PIGV: variants seen among roughly 807,000 people sequenced by gnomAD.
PIGV encodes the protein GPI alpha-1,6-mannosyltransferase 2.
PIGV carries 27 observed loss-of-function variants against 39.2 expected under a neutral mutation model. That is an observed-to-expected ratio of 0.69 (90% CI 0.51 to 0.95). PIGV has a LOEUF of 0.95. Ranked by LOEUF, PIGV falls within the 40% of genes least tolerant of loss-of-function variation. PIGV has a pLI of 0.00. For synonymous variants in PIGV, 232 were observed against 241.7 expected, an observed-to-expected ratio of 0.96 and a Z score of 0.37; for missense variants, 523 against 586.4, an observed-to-expected ratio of 0.89 and a Z score of 1.12.
chr1:26,793,262 C>T (rs929651549), intron 2 of PIGV, among the ~76,000 whole-genome samples: 1 of 152,230 alleles, frequency 6.6e-6, no homozygotes, highest in Non-Finnish European at 1.5e-5. Context: ...CATTTTTCTG[C>T]TTCCCCTTAT....
At chr1:26,796,294 G>A (rs1458649951) in intron 3 of PIGV, among the ~76,000 whole-genome samples, 5 of 149,426 alleles carry the variant, frequency 3.3e-5, no homozygotes, top group East Asian at 2.0e-4. Context: ...TCAGCCTCCC[G>A]AGTAGCTGGG....
rs960917073 is a variant in PIGV, at chr1:26,793,590, C to G, written c.79-523C>G. 2.6e-5 allele frequency among the ~76,000 whole-genome samples: 4 copies of G among 152,058 alleles called. No individual in the cohort carries two copies. In the East Asian group the frequency reaches 7.7e-4, roughly 29 times the overall value. ...TTCAGATGTTAACATGTCCAGGGTT[C>G]AGTCCTCAAGAAGAGTTCTAAGTGT... is the stretch of plus-strand genomic sequence containing the variant. On this transcript the variant is annotated intron_variant, in intron 2 of 3. Transcript: ENST00000674202.
Position 26,794,215 on chromosome 1 carries a change from G to A in PIGV, c.181G>A (p.Gly61Ser). The change falls in exon 3 of 4, where the codon GGC becomes AGC. Residue 61 changes from glycine (G) to serine (S), a missense_variant. By Grantham distance (56) the Gly-to-Ser change is moderately conservative (BLOSUM62 0). Transcript: ENST00000674202. ...FVDQLVEGLLGGLSHWDAEHF... is the reference protein window; with the variant it reads ...FVDQLVEGLLSGLSHWDAEHF... ...GGACCAACTCGTGGAAGGTCTTCTGGGCGGCCTGTCTCACTGGGATGCTGA... is the reference window on the plus strand; with the variant it reads ...GGACCAACTCGTGGAAGGTCTTCTGAGCGGCCTGTCTCACTGGGATGCTGA... The A allele has an allele frequency of 1.2e-6, 2 of 1,614,208 alleles. No homozygotes were observed. The highest frequency in any genetic ancestry group is 1.7e-6 in the Non-Finnish European group (2 of 1,180,036).
intron 3 of PIGV, 72 bp from the exon 4 acceptor site, chr1:26,797,491 C>T (rs2081399139): frequency 7.7e-7 from 1 of 1,297,710 alleles, no homozygotes; most frequent in South Asian, 1.2e-5. Context: ...GTAGAGAAGT[C>T]CCCGGGCTGG....
intron 2 of PIGV, among the ~76,000 whole-genome samples, chr1:26,792,235 C>T (rs1338419545): frequency 1.3e-5 from 2 of 152,138 alleles, no homozygotes; most frequent in Non-Finnish European, 2.9e-5. Context: ...TCACTGTAAC[C>T]TCTGCCTCCC....
chr1:26,794,944 T>C lies in PIGV; in HGVS notation c.910T>C (p.Tyr304His), dbSNP rs768513225. 5.0e-6 allele frequency: 8 copies of C among 1,614,072 alleles called. No homozygotes were observed. In the African/African-American group the frequency reaches 6.7e-5, roughly 13 times the overall value. The change falls in exon 3 of 4, where the codon TAC becomes CAC. Residue 304 changes from tyrosine (Y) to histidine (H), a missense_variant. Coordinates refer to ENST00000674202, the MANE Select transcript of PIGV (RefSeq NM_017837.4). ...PWCFWDVPLIYSYIQDVYWNV... is the reference protein window; with the variant it reads ...PWCFWDVPLIHSYIQDVYWNV... Reference sequence around the variant, plus strand: ...GTGCTTCTGGGATGTTCCACTAATATACAGCTATATCCAGGATGTCTACTG... The same window carrying C: ...GTGCTTCTGGGATGTTCCACTAATACACAGCTATATCCAGGATGTCTACTG...
Position 26,794,641 on chromosome 1 carries a change from C to G in PIGV, c.607C>G (p.Arg203Gly). 1 of 1,614,210 alleles carries G rather than the reference C, an allele frequency of 6.2e-7. No individual in the cohort carries two copies. Among genetic ancestry groups the G allele is most frequent in the East Asian group, 2.2e-5 (1 of 44,878 alleles). ...VLLFAFATGV[R>G]SNGLVSVGFL... ...CCTCTTTGCCTTTGCCACTGGGGTA[C>G]GCTCCAACGGGCTGGTCAGTGTTGG... is the stretch of plus-strand genomic sequence containing the variant. The change falls in exon 3 of 4, where the codon CGC (arginine) becomes GGC (glycine). Residue 203 changes from arginine (R) to glycine (G), a missense_variant. Physicochemically the swap from Arg to Gly is moderately radical, Grantham distance 125. Transcript: ENST00000674202.
At chr1:26,795,326 G>A in intron 3 of PIGV, 92 bp downstream of exon 3, 1 of 1,410,082 alleles carries the variant, frequency 7.1e-7, no homozygotes, top group Non-Finnish European at 9.9e-7. Context: ...TCCCGTTTGA[G>A]TGATCCATAC....
At chr1:26,788,306 C>T (rs544753922) in intron 1 of PIGV, 38 bp downstream of exon 1, 15 of 152,452 alleles carry the variant, frequency 9.8e-5, no homozygotes, top group African/African-American at 3.6e-4. Flanking sequence ...GGGACTGTGT[C>T]CAAAAGGAGC....
In PIGV at chr1:26,797,947, TC is replaced by T; in HGVS notation, c.*105del. 2.1e-6 allele frequency: 2 copies of T among 975,578 alleles called. No individual in the cohort carries two copies. Among genetic ancestry groups the T allele is most frequent in the Non-Finnish European group, 3.3e-6 (2 of 610,310 alleles). 60.4% of individuals were successfully genotyped at this position (975,578 alleles called of 1,614,324 possible). A position where few individuals can be genotyped will look rare whatever the true frequency, so the allele number is the denominator to read the frequency against. ...CTGCTGCCCTGGGATCATTACTGTGTCCATTATAATCTTTCTCTTTCTCTTT... is the reference window on the plus strand; with the variant it reads ...CTGCTGCCCTGGGATCATTACTGTGTCATTATAATCTTTCTCTTTCTCTTT... On this transcript the variant is annotated 3_prime_UTR_variant, in exon 4 of 4. Transcript: ENST00000674202.
Position 26,797,814 on chromosome 1 carries a change from C to G in PIGV, c.1452C>G (p.Leu484=), listed in dbSNP as rs148409472. Residue 484 remains leucine, a synonymous_variant, in exon 4 of 4, where the codon CTC becomes CTG. Transcript: ENST00000674202. The part of the protein sequence containing the change: ...YFLTYWLLGL[L]LHCNFLPWT ...TGACTTACTGGCTCCTGGGACTACT[C>G]CTACATTGCAACTTCCTGCCTTGGA... 7.4e-6 allele frequency: 12 copies of G among 1,614,132 alleles called. No individual in the cohort carries two copies. In the South Asian group the frequency reaches 1.3e-4, roughly 18 times the overall value.
At chr1:26,796,503 G>A (rs891032088) in intron 3 of PIGV, among the ~76,000 whole-genome samples, 2 of 152,016 alleles carry the variant, frequency 1.3e-5, no homozygotes, top group Non-Finnish European at 2.9e-5. Context: ...AAAGTATTAT[G>A]GAGGCGAAGA....
Position 26,795,246 on chromosome 1 carries a change from T to TG in PIGV, c.1200+12_1200+13insG. On this transcript the variant is annotated intron_variant, in intron 3 of 3. Transcript: ENST00000674202. ...GCATGCATGTTCAGGTGAGGTGGAT[T>TG]CCTGACTGGGATAAGGATGTGAATA... 7 of 1,613,374 alleles carry TG rather than the reference T, an allele frequency of 4.3e-6. No individual in the cohort carries two copies. The highest frequency in any genetic ancestry group is 5.9e-6 in the Non-Finnish European group (7 of 1,180,028).
intron 1 of PIGV, among the ~76,000 whole-genome samples, chr1:26,790,325 G>A (rs2081293760): frequency 1.3e-5 from 2 of 152,116 alleles, no homozygotes; most frequent in East Asian, 3.9e-4. Flanking sequence ...GATTTGAGTA[G>A]AACTTCACAC....
At chr1:26,792,067 A>G (rs1355333553) in intron 2 of PIGV, among the ~76,000 whole-genome samples, 4 of 152,140 alleles carry the variant, frequency 2.6e-5, no homozygotes, top group Non-Finnish European at 4.4e-5. Flanking sequence ...TAAAGTACCT[A>G]TTGCGTTCCA....
chr1:26,793,725 C>A (rs187333145), intron 2 of PIGV, among the ~76,000 whole-genome samples: 5 of 152,170 alleles, frequency 3.3e-5, no homozygotes, highest in Admixed American at 6.5e-5. Context: ...TCTCAGCCCC[C>A]CCAAGTAGCT....
At chr1:26,792,281 T>C (rs1479069907) in intron 2 of PIGV, among the ~76,000 whole-genome samples, 1 of 151,608 alleles carries the variant, frequency 6.6e-6, no homozygotes, top group African/African-American at 2.4e-5. Context: ...GGCTCTGAAG[T>C]AGCTGAGGCG....
At position 26,798,154 on chromosome 1, in the gene PIGV, A is replaced by G. The variant is rs1481181984; in HGVS notation, c.*310A>G. On this transcript the variant is annotated 3_prime_UTR_variant, in exon 4 of 4. Transcript: ENST00000674202. ...AGAGACAGTCTTAAACCTACCATTGACCTGTGTGTAAATTTAAATGTCAAT... is the reference window on the plus strand; with the variant it reads ...AGAGACAGTCTTAAACCTACCATTGGCCTGTGTGTAAATTTAAATGTCAAT... 2 of 396,340 alleles carry G rather than the reference A, an allele frequency of 5.0e-6. No individual in the cohort carries two copies. The highest frequency in any genetic ancestry group is 2.0e-5 in the African/African-American group (1 of 48,912). The allele number at this position is 396,340 out of a possible 1,614,324, so 24.6% of individuals were successfully genotyped here.
chr1:26,789,472 C>T (rs2081283488), intron 1 of PIGV, among the ~76,000 whole-genome samples: 2 of 152,196 alleles, frequency 1.3e-5, no homozygotes, highest in Admixed American at 1.3e-4. Flanking sequence ...GGGAAGAATA[C>T]TTGGGGCACT....
Sources: gnomAD v4.1 joint callset for allele counts (sites outside exome capture counted in the v4.1 genomes callset) on GRCh38, gnomAD v4.1.1 for gene constraint, MANE v1.5 for transcripts, NCBI Gene and HGNC (gene_info 2026-07-23, HGNC 2026-07-21) for gene names.